The following GRIK1 variants were observed in gnomAD, a reference collection of about 807,000 sequenced individuals.
GRIK1 encodes the protein glutamate ionotropic receptor kainate type subunit 1.
A neutral mutation model predicts 105.7 loss-of-function variants in GRIK1; 69 were observed. The observed-to-expected ratio is 0.65, with a 90% CI of 0.54 to 0.80. The LOEUF is 0.80. Among genes scored for constraint, GRIK1 ranks in the 30% least tolerant of loss-of-function variants. The probability of loss-of-function intolerance (pLI) is 0.00; values close to 1 mark genes in which losing one functional copy is unlikely to be tolerated. For missense variants in GRIK1, 1,109 were observed against 1,167.3 expected (o/e 0.95, Z 0.73); for synonymous variants, 438 against 431.3 (o/e 1.02, Z -0.19).
chr21:29,580,565 G>A (rs1161049307), intron 13 of GRIK1, among the ~76,000 whole-genome samples: 1 of 151,918 alleles, frequency 6.6e-6, no homozygotes, highest in South Asian at 2.1e-4. Flanking sequence ...GAAACCTTAG[G>A]GTTCACCCCC....
intron 1 of GRIK1, among the ~76,000 whole-genome samples, chr21:29,915,516 CTCTT>C (rs534735099): frequency 3.9e-4 from 59 of 152,152 alleles, no homozygotes; most frequent in South Asian, 1.2e-3. Flanking sequence ...CAAACACTAA[CTCTT>C]TCTCTCACAG....
chr21:29,553,486 A>C, intron 16 of GRIK1: 1 of 1,475,502 alleles, frequency 6.8e-7, no homozygotes, highest in Admixed American at 2.5e-5. Context: ...AGCAAATACA[A>C]ATATCAACAA....
At chr21:29,852,276 T>C (rs1435290901) in intron 1 of GRIK1, among the ~76,000 whole-genome samples, 1 of 152,228 alleles carries the variant, frequency 6.6e-6, no homozygotes, top group Non-Finnish European at 1.5e-5. Context: ...CACTTTTCAC[T>C]TTCCTTGCGC....
At chr21:29,695,476 C>CTATATATATATA (rs146618561) in intron 1 of GRIK1, among the ~76,000 whole-genome samples, 4 of 139,944 alleles carry the variant, frequency 2.9e-5, no homozygotes, top group Non-Finnish European at 6.1e-5. Context: ...ATCTATCTAT[C>CTATATATATATA]TATATATATA....
At chr21:29,907,608 T>C (rs1010027213) in intron 1 of GRIK1, among the ~76,000 whole-genome samples, 3 of 152,142 alleles carry the variant, frequency 2.0e-5, no homozygotes, top group African/African-American at 7.2e-5. Context: ...CACGAATTTC[T>C]AGTTTTTAAA....
chr21:29,582,618 T>C (rs184648385), intron 12 of GRIK1, among the ~76,000 whole-genome samples: 2 of 152,306 alleles, frequency 1.3e-5, no homozygotes, highest in African/African-American at 2.4e-5. Flanking sequence ...GTCTGACCTA[T>C]GTAGCCCAAA....
chr21:29,785,529 A>T (rs920869281), intron 1 of GRIK1, among the ~76,000 whole-genome samples: 5 of 135,640 alleles, frequency 3.7e-5, no homozygotes, highest in Non-Finnish European at 7.6e-5. Context: ...GCATCACTGC[A>T]CTCCAGCCTG....
In GRIK1 at chr21:29,691,293, A is replaced by T. The variant is rs148954976; in HGVS notation, c.287-1308T>A. 2.5e-3 allele frequency among the ~76,000 whole-genome samples: 382 copies of T among 152,364 alleles called. 1 individual carries two copies. Among genetic ancestry groups the T allele is most frequent in the African/African-American group, 8.6e-3 (357 of 41,586 alleles). ...ACCACAGAACTCCAGCTGGGGTGAC[A>T]GAGCGAGACTCTGTTTCAAAAAGCA... On this transcript the variant is annotated intron_variant, in intron 2 of 17. Transcript: ENST00000327783.
chr21:29,928,789 T>C (rs1031392670), intron 1 of GRIK1, among the ~76,000 whole-genome samples: 1 of 152,190 alleles, frequency 6.6e-6, no homozygotes, highest in Non-Finnish European at 1.5e-5. Flanking sequence ...ACCCAGGACC[T>C]AGTGGAACAA....
chr21:29,561,845 G>T lies in GRIK1; in HGVS notation c.2135C>A (p.Ser712Ter), dbSNP rs777458241. Residue 712 changes from serine to a stop codon, truncating the protein, a stop_gained, in exon 15 of 18, where the codon TCA becomes TAA. Transcript: ENST00000327783. LOFTEE classifies it high-confidence loss of function. ...CATCTTCTCATAGGTGGAGATTTTT[G>T]ATTTCTGGAGGGAAAGAAAACACAC... ...DGSTMTFFKK[S>*]KISTYEKMWA... 3.7e-6 allele frequency: 6 copies of T among 1,604,086 alleles called. No homozygotes were observed. The highest frequency in any genetic ancestry group is 4.5e-5 in the East Asian group (2 of 44,800).
intron 1 of GRIK1, among the ~76,000 whole-genome samples, chr21:29,912,660 TA>T (rs1476523766): frequency 2.0e-5 from 3 of 152,068 alleles, no homozygotes; most frequent in Non-Finnish European, 2.9e-5. Flanking sequence ...GAGAGTGTGA[TA>T]AAAAATATTT....
intron 1 of GRIK1, among the ~76,000 whole-genome samples, chr21:29,722,579 T>TA (rs748557269): frequency 0.037 from 4,154 of 111,824 alleles, 120 homozygotes; most frequent in African/African-American, 0.094. Context: ...TAAATAAAAG[T>TA]AAAAAAAAAA....
At chr21:29,754,667 GC>G (rs2065289812) in intron 1 of GRIK1, among the ~76,000 whole-genome samples, 1 of 152,186 alleles carries the variant, frequency 6.6e-6, no homozygotes, top group Admixed American at 6.5e-5. Context: ...CCTGGGTGTT[GC>G]TGGCAAGGTA....
At chr21:29,653,952 G>C (rs187025583) in intron 5 of GRIK1, among the ~76,000 whole-genome samples, 1 of 152,082 alleles carries the variant, frequency 6.6e-6, no homozygotes, top group African/African-American at 2.4e-5. Flanking sequence ...TTACTACTTC[G>C]GGTCCTTATT....
chr21:29,610,117 A>AT (rs1449599680), intron 7 of GRIK1, among the ~76,000 whole-genome samples: 4 of 152,164 alleles, frequency 2.6e-5, no homozygotes, highest in Admixed American at 6.5e-5. Context: ...AAGGAAGACA[A>AT]TTTTCTAGTA....
chr21:29,757,897 G>A (rs1299479700), intron 1 of GRIK1, among the ~76,000 whole-genome samples: 2 of 152,258 alleles, frequency 1.3e-5, no homozygotes, highest in Non-Finnish European at 2.9e-5. Context: ...ATTACTCCCA[G>A]TTGAGGGATG....
intron 1 of GRIK1, among the ~76,000 whole-genome samples, chr21:29,792,968 C>T (rs1201707170): frequency 6.6e-6 from 1 of 152,160 alleles, no homozygotes; most frequent in African/African-American, 2.4e-5. Context: ...GCACTTAGTG[C>T]AATCAAAACT....
At chr21:29,736,295 C>A (rs1443103814) in intron 1 of GRIK1, among the ~76,000 whole-genome samples, 1 of 152,210 alleles carries the variant, frequency 6.6e-6, no homozygotes, top group African/African-American at 2.4e-5. Flanking sequence ...TCACAGCTCA[C>A]AGCAGCCTCC....
intron 3 of GRIK1, among the ~76,000 whole-genome samples, chr21:29,683,235 A>C (rs1351798020): frequency 6.6e-6 from 1 of 152,224 alleles, no homozygotes; most frequent in Non-Finnish European, 1.5e-5. Context: ...TTCTCAAAGA[A>C]CCTAAAACAG....
Sources: allele counts gnomAD v4.1 joint callset (sites outside exome capture counted in the v4.1 genomes callset), GRCh38; gene constraint gnomAD v4.1.1; transcripts MANE v1.5; gene names NCBI Gene and HGNC (gene_info 2026-07-23, HGNC 2026-07-21).